Variants in ERBB4 observed in about 807,000 individuals in gnomAD.
ERBB4 encodes the protein erb-b2 receptor tyrosine kinase 4, also known as receptor tyrosine-protein kinase erbB-4.
Under a neutral mutation model 158.0 loss-of-function variants are expected in ERBB4, and 42 were observed. The ratio of observed to expected loss-of-function variants is 0.27; its 90% CI spans 0.21 to 0.34. The LOEUF (loss-of-function observed/expected upper bound fraction) is 0.34. Among genes scored for constraint, ERBB4 ranks in the 10% least tolerant of loss-of-function variants. ERBB4 has a pLI of 1.00. For missense variants in ERBB4, 1,333 were observed against 1,624.1 expected (o/e 0.82, Z 3.08); for synonymous variants, 583 against 558.7 (o/e 1.04, Z -0.61).
intron 5 of ERBB4, among the ~76,000 whole-genome samples, chr2:211,732,532 T>C (rs1034925003): frequency 2.0e-5 from 3 of 152,174 alleles, no homozygotes; most frequent in Non-Finnish European, 4.4e-5. Context: ...GACCAGGCCA[T>C]ATCATGAAGT....
intron 1 of ERBB4, among the ~76,000 whole-genome samples, chr2:212,430,455 C>A (rs1011282501): frequency 7.6e-6 from 1 of 132,376 alleles, no homozygotes. Context: ...TTTTTCTTTT[C>A]TTTTAAATGA....
At chr2:211,657,955 C>T in intron 15 of ERBB4, 127 bp from the exon 16 acceptor site, 1 of 1,607,120 alleles carries the variant, frequency 6.2e-7, no homozygotes, top group South Asian at 1.1e-5. Context: ...AGTACCTATC[C>T]ATCAGGCCGA....
At chr2:211,503,187 G>A (rs6435629) in intron 20 of ERBB4, among the ~76,000 whole-genome samples, 60,124 of 151,832 alleles carry the variant, frequency 0.4, 12,577 homozygotes, top group African/African-American at 0.53. Context: ...CAGAGAGACC[G>A]TTTAAACCAA....
chr2:212,267,141 G>T (rs898559455), intron 1 of ERBB4, among the ~76,000 whole-genome samples: 1 of 151,948 alleles, frequency 6.6e-6, no homozygotes, highest in Non-Finnish European at 1.5e-5. Flanking sequence ...AAATTCAGTT[G>T]CCTCTTGCTC....
chr2:212,225,948 T>C (rs1008518844), intron 1 of ERBB4, among the ~76,000 whole-genome samples: 13 of 152,154 alleles, frequency 8.5e-5, no homozygotes, highest in Non-Finnish European at 1.8e-4. Flanking sequence ...TTTCTGCTGT[T>C]TGGAAGATAT....
rs114891170 is a variant in ERBB4 at position 212,191,918 on chromosome 2, T to C, written c.83-67015A>G. On this transcript the variant is annotated intron_variant, in intron 1 of 27. Transcript: ENST00000342788. ...TATATTATATATGATACATATGTTA[T>C]ATATGTTATATATTATATATGATGC... Among the ~76,000 whole-genome samples the C allele has an allele frequency of 3.8e-3, 547 of 144,424 alleles. 14 individuals carry two copies. The highest frequency in any genetic ancestry group is 0.013 in the African/African-American group (516 of 39,584). The allele number at this position is 144,424 out of a possible 152,430, so 94.7% of individuals were successfully genotyped here.
chr2:212,146,151 C>G (rs556478415), intron 1 of ERBB4, among the ~76,000 whole-genome samples: 1 of 152,272 alleles, frequency 6.6e-6, no homozygotes, highest in South Asian at 2.1e-4. Flanking sequence ...GTATCTCCAG[C>G]TTTCAGCCCA....
intron 1 of ERBB4, among the ~76,000 whole-genome samples, chr2:212,396,297 C>T (rs761693915): frequency 1.2e-4 from 19 of 152,180 alleles, no homozygotes; most frequent in Admixed American, 5.9e-4. Flanking sequence ...CAGAGATGAT[C>T]CTCTACAGTT....
rs73068291 is a variant in ERBB4 at position 212,327,487 on chromosome 2, C to T, written c.83-202584G>A. 5.0e-3 allele frequency among the ~76,000 whole-genome samples: 764 copies of T among 151,976 alleles called. 4 individuals are homozygous for T. Among genetic ancestry groups the T allele is most frequent in the African/African-American group, 0.018 (727 of 41,512 alleles). On this transcript the variant is annotated intron_variant, in intron 1 of 27. Transcript: ENST00000342788. ...GCTAAGTATTAACAAGAAAAGAACC[C>T]AGACTCAGTTAGTGCTCAAGGCAGC...
At chr2:211,951,052 G>A (rs2080861703) in intron 2 of ERBB4, among the ~76,000 whole-genome samples, 1 of 152,142 alleles carries the variant, frequency 6.6e-6, no homozygotes, top group Admixed American at 6.6e-5. Flanking sequence ...ATTATTTAGT[G>A]ATTAGATCAC....
chr2:212,002,422 T>G (rs1019608271), intron 2 of ERBB4, among the ~76,000 whole-genome samples: 1 of 152,190 alleles, frequency 6.6e-6, no homozygotes, highest in African/African-American at 2.4e-5. Context: ...TACAGCCTTA[T>G]GATTATAACT....
chr2:212,449,722 A>G (rs1354139038), intron 1 of ERBB4, among the ~76,000 whole-genome samples: 1 of 152,164 alleles, frequency 6.6e-6, no homozygotes, highest in Non-Finnish European at 1.5e-5. Context: ...CTGTTCACTG[A>G]TCCATGAGCA....
intron 1 of ERBB4, among the ~76,000 whole-genome samples, chr2:212,351,667 G>A (rs888872043): frequency 5.9e-5 from 9 of 152,028 alleles, no homozygotes; most frequent in Non-Finnish European, 1.3e-4. Context: ...TGCTAACCAC[G>A]TTTCAAGTGT....
intron 2 of ERBB4, among the ~76,000 whole-genome samples, chr2:212,099,306 TCTTCTTGAGATATGAGATAC>T (rs2079017722): frequency 6.7e-6 from 1 of 149,860 alleles, no homozygotes; most frequent in Non-Finnish European, 1.5e-5. Context: ...TCCTGAAACT[TCTTCTTGAGATATGAGATAC>T]CTTATTTTAC....
At chr2:212,371,664 T>A (rs533179491) in intron 1 of ERBB4, among the ~76,000 whole-genome samples, 10 of 152,304 alleles carry the variant, frequency 6.6e-5, no homozygotes, top group African/African-American at 2.2e-4. Flanking sequence ...AGTTAAGCAA[T>A]TTATATACAT....
chr2:212,156,263 G>GA (rs2081032784), intron 1 of ERBB4, among the ~76,000 whole-genome samples: 1 of 151,828 alleles, frequency 6.6e-6, no homozygotes, highest in Non-Finnish European at 1.5e-5. Context: ...AAAAGTGGGG[G>GA]AAAAAAAGGA....
chr2:212,111,207 T>G (rs2079394946), intron 2 of ERBB4, among the ~76,000 whole-genome samples: 1 of 152,192 alleles, frequency 6.6e-6, no homozygotes, highest in Non-Finnish European at 1.5e-5. Flanking sequence ...ACCCTTTATA[T>G]GCAGTTAGTT....
intron 3 of ERBB4, among the ~76,000 whole-genome samples, chr2:211,932,167 G>A (rs1263499387): frequency 6.6e-6 from 1 of 151,972 alleles, no homozygotes; most frequent in Non-Finnish European, 1.5e-5. Flanking sequence ...CACATAGGCT[G>A]GGTTTGAATT....
chr2:211,943,621 T>G (rs1344348314), intron 3 of ERBB4, among the ~76,000 whole-genome samples: 1 of 152,226 alleles, frequency 6.6e-6, no homozygotes, highest in Non-Finnish European at 1.5e-5. Flanking sequence ...CACTCCTTTA[T>G]AGATTGTGTG....
Sources: gnomAD v4.1 joint callset for allele counts (sites outside exome capture counted in the v4.1 genomes callset) on GRCh38, gnomAD v4.1.1 for gene constraint, MANE v1.5 for transcripts, NCBI Gene and HGNC (gene_info 2026-07-23, HGNC 2026-07-21) for gene names.